The following GREB1 variants were observed in gnomAD, a reference collection of about 807,000 sequenced individuals.
GREB1 encodes protein GREB1.
In GREB1, 106 loss-of-function variants were observed where a neutral mutation model predicts 200.7. The ratio of observed to expected loss-of-function variants is 0.53; its 90% CI spans 0.45 to 0.62. The LOEUF is 0.62. GREB1 is among the 20% of genes least tolerant of loss of function. The pLI, the probability that GREB1 is intolerant of heterozygous loss-of-function variation, is 0.00. For synonymous variants in GREB1, 1,132 were observed against 1,092.4 expected, an observed-to-expected ratio of 1.04 and a Z score of -0.72; for missense variants, 2,243 against 2,556.8, an observed-to-expected ratio of 0.88 and a Z score of 2.65.
chr2:11,588,516 C>T (rs527936286), intron 9 of GREB1: 1 of 592,476 alleles, frequency 1.7e-6, no homozygotes, highest in African/African-American at 1.9e-5. Flanking sequence ...ACGAAATGAA[C>T]CAGCAAGTGG....
intron 1 of GREB1, among the ~76,000 whole-genome samples, chr2:11,512,686 C>G (rs1014500982): frequency 1.3e-5 from 2 of 152,178 alleles, no homozygotes; most frequent in African/African-American, 4.8e-5. Context: ...AAATCAACCA[C>G]CAAGCCTCAC....
In GREB1 at chr2:11,629,474, C is replaced by T. The variant is rs1301746881; in HGVS notation, c.4450-474C>T. Among the ~76,000 whole-genome samples the T allele has an allele frequency of 6.6e-6, 1 of 152,138 alleles. No individual in the cohort carries two copies. Among genetic ancestry groups the T allele is most frequent in the African/African-American group, 2.4e-5 (1 of 41,422 alleles). On this transcript the variant is annotated intron_variant, in intron 25 of 32. Transcript: ENST00000381486. The surrounding 1 kb of genome is among the most constrained non-coding windows in gnomAD (Gnocchi z 5.2). ...TACTGCTTTGTAGGATTGTTAATCG[C>T]AGCACACAGGACAGAACGGTGCCTG...
At chr2:11,566,761 G>C (rs1677713971) in intron 4 of GREB1, 105 bp downstream of exon 4, 2 of 994,226 alleles carry the variant, frequency 2.0e-6, no homozygotes, top group East Asian at 2.5e-5. Context: ...CCATCTTTGG[G>C]ACCCCAGGCG....
chr2:11,543,819 G>A (rs74997870), intron 1 of GREB1, among the ~76,000 whole-genome samples: 2,206 of 152,234 alleles, frequency 0.014, 67 homozygotes, highest in African/African-American at 0.05. Flanking sequence ...GTCCATGTTC[G>A]TGTGCAGGGG....
intron 1 of GREB1, among the ~76,000 whole-genome samples, chr2:11,514,762 C>G (rs1024203037): frequency 1.3e-5 from 2 of 152,214 alleles, no homozygotes; most frequent in African/African-American, 4.8e-5. Context: ...TTTGTTATAG[C>G]ATTTATCATG....
intron 1 of GREB1, among the ~76,000 whole-genome samples, chr2:11,522,943 A>C (rs1436684968): frequency 6.6e-6 from 1 of 152,226 alleles, no homozygotes; most frequent in South Asian, 2.1e-4. Context: ...TTGCAGCACT[A>C]TTCACAATAG....
At chr2:11,521,500 A>G (rs1271062052) in intron 1 of GREB1, among the ~76,000 whole-genome samples, 1 of 152,202 alleles carries the variant, frequency 6.6e-6, no homozygotes, top group Non-Finnish European at 1.5e-5. Flanking sequence ...AAAGGATAAA[A>G]CAATTTGTGT....
rs1348780350 is a variant in GREB1 at position 11,548,145 on chromosome 2, A to G, written c.-161-8309A>G. On this transcript the variant is annotated intron_variant, in intron 1 of 32. Transcript: ENST00000381486. The surrounding 1 kb of genome is among the most constrained non-coding windows in gnomAD (Gnocchi z 5.1). Reference sequence around the variant, plus strand: ...TGAGCTGTGACTGCACCACTGCACTACAGCTGGGCAACAGAGCAAGACCCT... The same window carrying G: ...TGAGCTGTGACTGCACCACTGCACTGCAGCTGGGCAACAGAGCAAGACCCT... Among the ~76,000 whole-genome samples the G allele has an allele frequency of 6.6e-6, 1 of 151,780 alleles. No individual in the cohort carries two copies. The highest frequency in any genetic ancestry group is 1.5e-5 in the Non-Finnish European group (1 of 67,904).
rs560071589 is a variant in GREB1, at chr2:11,596,222, G to C, written c.1937G>C (p.Gly646Ala). The part of the protein sequence containing the change: ...VTKAASLDVS[G>A]TPVCTSYNLE... ...AAAGCAGCATCCCTGGATGTCAGTG[G>C]GACACCGGTGTGCACAAGTGAGTGG... The change falls in exon 13 of 33, where the codon GGG becomes GCG. Residue 646 changes from glycine to alanine, a missense_variant. Coordinates refer to ENST00000381486, the MANE Select transcript of GREB1 (RefSeq NM_014668.4). The C allele has an allele frequency of 2.5e-6, 4 of 1,613,804 alleles. No homozygotes were observed. The Admixed American group carries it at 5.0e-5, about 20-fold the overall frequency.
chr2:11,625,431 A>C (rs1185077689), intron 24 of GREB1, 119 bp downstream of exon 24: 1 of 943,830 alleles, frequency 1.1e-6, no homozygotes, highest in Non-Finnish European at 1.6e-6. Flanking sequence ...TGCCATACCT[A>C]GTACAGAACT....
chr2:11,576,904 G>T (rs1192937968), intron 5 of GREB1, among the ~76,000 whole-genome samples: 1 of 151,906 alleles, frequency 6.6e-6, no homozygotes, highest in Admixed American at 6.6e-5. Context: ...CCATGGTGGT[G>T]CCCGCCTGTA....
At position 11,618,817 on chromosome 2, in the gene GREB1, G is replaced by A; in HGVS notation, c.3942G>A (p.Gln1314=). The A allele has an allele frequency of 6.2e-7, 1 of 1,607,152 alleles. No individual in the cohort carries two copies. Among genetic ancestry groups the A allele is most frequent in the South Asian group, 1.1e-5 (1 of 91,022 alleles). Residue 1314 remains glutamine, a synonymous_variant, in exon 22 of 33, where the codon CAG becomes CAA. Coordinates refer to ENST00000381486, the MANE Select transcript of GREB1 (RefSeq NM_014668.4). ...CCGAGCAGTCCCTCTACTACCGGCAGTGGACGGTGCCCCGGCCCAGCCACA... is the reference window on the plus strand; with the variant it reads ...CCGAGCAGTCCCTCTACTACCGGCAATGGACGGTGCCCCGGCCCAGCCACA... ...TSTEQSLYYR[Q]WTVPRPSHMD...
rs566423988 is a variant in GREB1 at position 11,517,808 on chromosome 2, T to C, written c.-159+35427T>C. ...CTGGGACTACAGGTGCCCGCCGCCA[T>C]GCCCGGCTAATTTTTTTTGTATTTT... On this transcript the variant is annotated intron_variant, in intron 1 of 2. Transcript: ENST00000628795. Among the ~76,000 whole-genome samples, 363 of 152,230 alleles carry C rather than the reference T, an allele frequency of 2.4e-3. 1 individual carries two copies. The highest frequency in any genetic ancestry group is 7.3e-3 in the South Asian group (35 of 4,816).
At position 11,545,259 on chromosome 2, in the gene GREB1, G is replaced by A. The variant is rs374076031; in HGVS notation, c.-162+11005G>A. Among the ~76,000 whole-genome samples, 362 of 152,012 alleles carry A rather than the reference G, an allele frequency of 2.4e-3. 2 individuals are homozygous for A. Among genetic ancestry groups the A allele is most frequent in the South Asian group, 7.7e-3 (37 of 4,818 alleles). On this transcript the variant is annotated intron_variant, in intron 1 of 32. Coordinates refer to ENST00000381486, the MANE Select transcript of GREB1 (RefSeq NM_014668.4). ...AAGCGATTCTCCTGCCTCAGCCTCC[G>A]AGTAGCTAGGATTACAGGCACCCGC...
chr2:11,525,487 A>G (rs555590062), intron 1 of GREB1, among the ~76,000 whole-genome samples: 5 of 131,076 alleles, frequency 3.8e-5, no homozygotes, highest in African/African-American at 1.2e-4. Flanking sequence ...ACAGAGGGAG[A>G]CTCCATCTCA....
intron 1 of GREB1, among the ~76,000 whole-genome samples, chr2:11,538,347 A>G (rs191886735): frequency 1.3e-5 from 2 of 150,372 alleles, no homozygotes; most frequent in African/African-American, 4.8e-5. Context: ...TGGGGCACCA[A>G]GAGGAGTAAT....
rs3035991 is a variant in GREB1, at chr2:11,605,144, CTTTTTTTTTTTTTTTTT to C, written c.2666+2618_2666+2634del. ...TGGAGCTGGGCACCAGAGCCTGCTT[CTTTTTTTTTTTTTTTTT>C]TTTTTTTTTTTTTTTACGCAGCAGC... On this transcript the variant is annotated intron_variant, in intron 17 of 32. Transcript: ENST00000381486. Among the ~76,000 whole-genome samples the C allele has an allele frequency of 1.4e-3, 62 of 44,828 alleles. 1 individual carries two copies. The Middle Eastern group carries it at 0.094, about 68-fold the overall frequency. The allele number at this position is 44,828 out of a possible 152,430, so 29.4% of individuals were successfully genotyped here.
intron 27 of GREB1, among the ~76,000 whole-genome samples, chr2:11,632,335 C>CTCT (rs1684943045): frequency 8.9e-6 from 1 of 112,208 alleles, no homozygotes; most frequent in African/African-American, 3.4e-5. Flanking sequence ...TTCTTTCTCT[C>CTCT]TTTTTTTTTT....
At chr2:11,553,570 T>TG (rs1676143096) in intron 1 of GREB1, among the ~76,000 whole-genome samples, 1 of 151,710 alleles carries the variant, frequency 6.6e-6, no homozygotes, top group Non-Finnish European at 1.5e-5. Flanking sequence ...TCCCCCATTC[T>TG]ATTTTTTTTT....
Sources: gnomAD v4.1 joint callset for allele counts (sites outside exome capture counted in the v4.1 genomes callset) on GRCh38, gnomAD v4.1.1 for gene constraint, Gnocchi (gnomAD v3.1) non-coding constraint, MANE v1.5 for transcripts, NCBI Gene and HGNC (gene_info 2026-07-23, HGNC 2026-07-21) for gene names.